SERAC1: variants seen among roughly 807,000 people sequenced by gnomAD.
The protein encoded by SERAC1 is protein SERAC1.
A neutral mutation model predicts 85.7 loss-of-function variants in SERAC1; 36 were observed. The observed-to-expected ratio is 0.42, with a 90% CI of 0.32 to 0.55. SERAC1 has a LOEUF of 0.55. Ranked by LOEUF, SERAC1 falls within the 20% of genes least tolerant of loss-of-function variation. The pLI, the probability that SERAC1 is intolerant of heterozygous loss-of-function variation, is 0.11. For missense variants in SERAC1, 629 were observed against 796.2 expected (o/e 0.79, Z 2.53); for synonymous variants, 242 against 265.3 (o/e 0.91, Z 0.85).
At position 158,158,302 on chromosome 6, in the gene SERAC1, G is replaced by A. The variant is rs147194699; in HGVS notation, c.62C>T (p.Pro21Leu). ...ATCTCTCCAGTGTGTGCCACTTTTTGGTGGGGAAGTAGAGGTTCCTATTCT... is the reference window on the plus strand; with the variant it reads ...ATCTCTCCAGTGTGTGCCACTTTTTAGTGGGGAAGTAGAGGTTCCTATTCT... ...CRRIGTSTSPPKSGTHWRDIR... is the reference protein window; with the variant it reads ...CRRIGTSTSPLKSGTHWRDIR... The change falls in exon 2 of 17, where the codon CCA becomes CTA. Residue 21 changes from proline (P) to leucine (L), a missense_variant. Transcript: ENST00000647468. 5.1e-4 allele frequency: 818 copies of A among 1,613,308 alleles called. 5 individuals are homozygous for A. In the African/African-American group the frequency reaches 9.7e-3, roughly 19 times the overall value.
chr6:158,114,892 T>C lies in SERAC1; in HGVS notation c.1581A>G (p.Ile527Met). Residue 527 changes from isoleucine to methionine, a missense_variant, in exon 15 of 17, where the codon ATA (isoleucine) becomes ATG (methionine). Physicochemically the swap from Ile to Met is conservative, Grantham distance 10. Transcript: ENST00000647468. Reference protein sequence around the residue: ...MSTVINNTRGIIFYSVPHHGS... With the variant: ...MSTVINNTRGMIFYSVPHHGS... Reference sequence around the variant, plus strand: ...CATGATGAGGGACACTATAAAAAATTATTCCTCTGGTATTGTTGATAACAG... The same window carrying C: ...CATGATGAGGGACACTATAAAAAATCATTCCTCTGGTATTGTTGATAACAG... 6.2e-7 allele frequency: 1 copy of C among 1,614,018 alleles called. No homozygotes were observed. Among genetic ancestry groups the C allele is most frequent in the Non-Finnish European group, 8.5e-7 (1 of 1,179,950 alleles).
At chr6:158,147,205 C>T (rs905565447) in intron 5 of SERAC1, among the ~76,000 whole-genome samples, 2 of 151,862 alleles carry the variant, frequency 1.3e-5, no homozygotes, top group Non-Finnish European at 2.9e-5. Flanking sequence ...GTGACACAAT[C>T]GTGGCTCACT....
chr6:158,156,835 TATAA>T (rs1174164253), intron 2 of SERAC1, among the ~76,000 whole-genome samples: 27 of 133,094 alleles, frequency 2.0e-4, no homozygotes, highest in Admixed American at 1.2e-3. Flanking sequence ...TAATATATTA[TATAA>T]ATATATTTTA....
At chr6:158,114,674 C>A in intron 15 of SERAC1, 115 bp downstream of exon 15, 1 of 480,236 alleles carries the variant, frequency 2.1e-6, no homozygotes, top group Non-Finnish European at 2.7e-6. Context: ...AGTCTAAACA[C>A]AATTATATAC....
In SERAC1 at chr6:158,117,925, A is replaced by AG; in HGVS notation, c.1309-105_1309-104insC. 1 of 831,822 alleles carries AG rather than the reference A, an allele frequency of 1.2e-6. No homozygotes were observed. The allele number at this position is 831,822 out of a possible 1,614,324, so 51.5% of individuals were successfully genotyped here. ...ACTAAAGGCCTCTTGCACTATAATT[A>AG]AAGATAGCACTGGAATAAGGTTTGA... is the stretch of plus-strand genomic sequence containing the variant. On this transcript the variant is annotated intron_variant, in intron 12 of 16. Coordinates refer to ENST00000647468, the MANE Select transcript of SERAC1 (RefSeq NM_032861.4). This position sits in a 1 kb window ranked among gnomAD's most constrained non-coding sequence, Gnocchi z 4.3.
intron 10 of SERAC1, among the ~76,000 whole-genome samples, chr6:158,123,123 A>T (rs1289176666): frequency 6.6e-6 from 1 of 152,230 alleles, no homozygotes; most frequent in African/African-American, 2.4e-5. Context: ...AAATTGGAGT[A>T]CTGAGAAGTA....
chr6:158,151,416 C>T (rs1785201462), intron 3 of SERAC1, among the ~76,000 whole-genome samples: 1 of 143,778 alleles, frequency 7.0e-6, no homozygotes, highest in Non-Finnish European at 1.5e-5. Flanking sequence ...AGCAAGACCT[C>T]GTCTCAAAAA....
rs1446016469 is a variant in SERAC1, at chr6:158,111,434, CCTTTTT to C, written c.1891_1896del (p.Lys631_Lys632del). On this transcript the variant is annotated inframe_deletion, in exon 17 of 17. Transcript: ENST00000647468. ...AAAGTACGCTGGTACAAAAAAGCATCCTTTTTCTTTGGCTTACAAATGTTCAAATGG... is the reference window on the plus strand; with the variant it reads ...AAAGTACGCTGGTACAAAAAAGCATCCTTTGGCTTACAAATGTTCAAATGG... 6.2e-7 allele frequency: 1 copy of C among 1,611,818 alleles called. No individual in the cohort carries two copies. Among genetic ancestry groups the C allele is most frequent in the Non-Finnish European group, 8.5e-7 (1 of 1,179,028 alleles).
At chr6:158,156,907 T>C (rs1785359177) in intron 2 of SERAC1, among the ~76,000 whole-genome samples, 1 of 96,894 alleles carries the variant, frequency 1.0e-5, no homozygotes. Flanking sequence ...TAGATATTAA[T>C]ATATTTATAT....
rs772510028 is a variant in SERAC1, at chr6:158,143,363, A to C, written c.610-179T>G. Among the ~76,000 whole-genome samples the C allele has an allele frequency of 0.016, 585 of 36,836 alleles. 2 individuals are homozygous for C. The highest frequency in any genetic ancestry group is 0.025 in the Non-Finnish European group (471 of 18,872). 24.2% of individuals were successfully genotyped at this position (36,836 alleles called of 152,430 possible). ...TCTCTCTCTCTATATATATATATAT[A>C]TATATATATATACACACACACATAT... On this transcript the variant is annotated intron_variant, in intron 7 of 16. Coordinates refer to ENST00000647468, the MANE Select transcript of SERAC1 (RefSeq NM_032861.4).
At chr6:158,141,572 CT>C (rs1320509231) in intron 8 of SERAC1, among the ~76,000 whole-genome samples, 1 of 152,230 alleles carries the variant, frequency 6.6e-6, no homozygotes, top group African/African-American at 2.4e-5. Context: ...TCATGAAGAA[CT>C]ACTATGCACA....
chr6:158,117,929 A>G lies in SERAC1; in HGVS notation c.1309-108T>C. ...AAGGCCTCTTGCACTATAATTAAAG[A>G]TAGCACTGGAATAAGGTTTGAAGGT... On this transcript the variant is annotated intron_variant, in intron 12 of 16. Coordinates refer to ENST00000647468, the MANE Select transcript of SERAC1 (RefSeq NM_032861.4). The surrounding 1 kb of genome is among the most constrained non-coding windows in gnomAD (Gnocchi z 4.3). 1.2e-6 allele frequency: 1 copy of G among 804,456 alleles called. No individual in the cohort carries two copies. The highest frequency in any genetic ancestry group is 2.0e-6 in the Non-Finnish European group (1 of 495,870). The allele number at this position is 804,456 out of a possible 1,614,324, so 49.8% of individuals were successfully genotyped here.
Position 158,114,724 on chromosome 6 carries a change from TTTC to T in SERAC1, c.1684+62_1684+64del, listed in dbSNP as rs538774632. ...GATAATACATTCAAGGAAGAAACTTTTTCTTCTTCTCTGTGTAACTGATGTTAA... is the reference window on the plus strand; with the variant it reads ...GATAATACATTCAAGGAAGAAACTTTTTCTTCTCTGTGTAACTGATGTTAA... On this transcript the variant is annotated intron_variant, in intron 15 of 16. Coordinates refer to ENST00000647468, the MANE Select transcript of SERAC1 (RefSeq NM_032861.4). 1.1e-4 allele frequency: 171 copies of T among 1,599,106 alleles called. No homozygotes were observed. The African/African-American group carries it at 1.9e-3, about 17-fold the overall frequency.
intron 3 of SERAC1, among the ~76,000 whole-genome samples, chr6:158,151,430 T>A (rs866447478): frequency 6.6e-6 from 1 of 150,498 alleles, no homozygotes; most frequent in African/African-American, 2.4e-5. Flanking sequence ...TCAAAAAGAT[T>A]TTTTTTTTTG....
intron 8 of SERAC1, among the ~76,000 whole-genome samples, chr6:158,132,823 A>G (rs889537326): frequency 1.3e-5 from 2 of 152,238 alleles, no homozygotes. Context: ...CTAAACCCTA[A>G]TGTAAAAATA....
At position 158,144,477 on chromosome 6, in the gene SERAC1, A is replaced by AGAT. The variant is rs1342858575; in HGVS notation, c.488-60_488-58dup. The AGAT allele has an allele frequency of 8.8e-6, 13 of 1,482,716 alleles. No individual in the cohort carries two copies. In the Admixed American group the frequency reaches 1.9e-4, roughly 22 times the overall value. 91.8% of individuals were successfully genotyped at this position (1,482,716 alleles called of 1,614,324 possible). A position where few individuals can be genotyped will look rare whatever the true frequency, so the allele number is the denominator to read the frequency against. On this transcript the variant is annotated intron_variant, in intron 6 of 16. Transcript: ENST00000647468. ...CAAAACTAGCTGACAGATGTCATAA[A>AGAT]GATTAACTGAACAAACAACTTGAAA... is the stretch of plus-strand genomic sequence containing the variant.
In SERAC1 at chr6:158,145,263, C is replaced by A. The variant is rs555145255; in HGVS notation, c.488-843G>T. 8 of 152,176 alleles carry A rather than the reference C, an allele frequency of 5.3e-5. No homozygotes were observed. In the East Asian group the frequency reaches 9.7e-4, roughly 18 times the overall value. The allele number at this position is 152,176 out of a possible 1,614,324, so 9.4% of individuals were successfully genotyped here. ...TCTCAAAAAACAATAATAATAATAA[C>A]CTGGGTGAGTACTTCTGGATCAAGT... On this transcript the variant is annotated intron_variant, in intron 6 of 16. Coordinates refer to ENST00000647468, the MANE Select transcript of SERAC1 (RefSeq NM_032861.4).
In SERAC1 at chr6:158,149,178, G is replaced by A. The variant is rs1226333183; in HGVS notation, c.266-224C>T. 2.6e-5 allele frequency among the ~76,000 whole-genome samples: 4 copies of A among 152,190 alleles called. No individual in the cohort carries two copies. In the East Asian group the frequency reaches 7.7e-4, roughly 29 times the overall value. ...GGCTAATTTTTTTGTATTTTTAGTA[G>A]AGACAGGGTTTCACCTTGTTAGCCA... On this transcript the variant is annotated intron_variant, in intron 4 of 16. Coordinates refer to ENST00000647468, the MANE Select transcript of SERAC1 (RefSeq NM_032861.4).
chr6:158,164,271 C>A (rs140023307), intron 1 of SERAC1, among the ~76,000 whole-genome samples: 1 of 151,572 alleles, frequency 6.6e-6, no homozygotes, highest in Non-Finnish European at 1.5e-5. Context: ...GTCAGGAGAT[C>A]GAGACCAGCC....
Sources: allele counts gnomAD v4.1 joint callset (sites outside exome capture counted in the v4.1 genomes callset), GRCh38; gene constraint gnomAD v4.1.1; non-coding constraint Gnocchi (gnomAD v3.1); transcripts MANE v1.5; gene names NCBI Gene and HGNC (gene_info 2026-07-23, HGNC 2026-07-21).